Variants in ETDB observed in about 807,000 individuals in gnomAD.
ETDB encodes embryonic testis differentiation homolog B.
chrX:135,120,274 C>T (rs1467602126), intron 1 of ETDB, among the ~76,000 whole-genome samples, 166 bp downstream of exon 1: 3 of 108,782 alleles, frequency 2.8e-5, no homozygotes, highest in South Asian at 8.2e-4. Context: ...GTATCTGAAG[C>T]TTCTGCTTTT....
At chrX:135,120,405 A>T (rs1397930816) in intron 1 of ETDB, 35 bp downstream of exon 1, 11 of 98,316 alleles carry the variant, frequency 1.1e-4, no homozygotes, top group African/African-American at 4.1e-4. Flanking sequence ...GCACAAAAGG[A>T]TGCTCTATGA....
chrX:135,120,167 G>A (rs1480151593), intron 1 of ETDB, among the ~76,000 whole-genome samples, 196 bp from the exon 2 acceptor site: 1 of 83,944 alleles, frequency 1.2e-5, no homozygotes, highest in Non-Finnish European at 2.3e-5. Context: ...CCAAGGCTAG[G>A]GGTGGATGCT....
At chrX:135,120,217 A>T (rs2083518288) in intron 1 of ETDB, among the ~76,000 whole-genome samples, 1 of 99,339 alleles carries the variant, frequency 1.0e-5, no homozygotes, top group Non-Finnish European at 2.0e-5. Flanking sequence ...AGAGACTAAA[A>T]GACTTGCCCA....
intron 1 of ETDB, 130 bp downstream of exon 1, chrX:135,120,310 A>G (rs2083518811): frequency 1.8e-5 from 2 of 110,548 alleles, no homozygotes; most frequent in South Asian, 7.9e-4. Flanking sequence ...GTGTCTCTGT[A>G]TCAGTTTGAA....
At chrX:135,120,408 C>T (rs1359943420) in intron 1 of ETDB, 32 bp downstream of exon 1, 3 of 97,586 alleles carry the variant, frequency 3.1e-5, no homozygotes, top group Non-Finnish European at 6.2e-5. Flanking sequence ...CAAAAGGATG[C>T]TCTATGATCT....
At chrX:135,120,347 C>G (rs1214615022) in intron 1 of ETDB, 93 bp downstream of exon 1, 7 of 109,309 alleles carry the variant, frequency 6.4e-5, no homozygotes, top group African/African-American at 2.3e-4. Context: ...AACCTCCCCC[C>G]ATTACCAAAC....
At chrX:135,120,266 A>G (rs1374965607) in intron 1 of ETDB, among the ~76,000 whole-genome samples, 174 bp downstream of exon 1, 1 of 107,912 alleles carries the variant, frequency 9.3e-6, no homozygotes, top group Non-Finnish European at 1.9e-5. Context: ...GAAAGCCTGT[A>G]TCTGAAGCTT....
Position 135,120,420 on chromosome X carries a change from G to C in ETDB, c.-288+20C>G, listed in dbSNP as rs1391056991. On this transcript the variant is annotated intron_variant, in intron 1 of 2. Transcript: ENST00000423661. ...GCACAAAAGGATGCTCTATGATCTT[G>C]GTATATCAGGATATTTTACCTGTGA... 1 of 91,774 alleles carries C rather than the reference G, an allele frequency of 1.1e-5. No individual in the cohort carries two copies. Among genetic ancestry groups the C allele is most frequent in the Admixed American group, 1.3e-4 (1 of 7,896 alleles). 7.6% of individuals were successfully genotyped at this position (91,774 alleles called of 1,213,427 possible). A position where few individuals can be genotyped will look rare whatever the true frequency, so the allele number is the denominator to read the frequency against.
At chrX:135,120,267 T>A (rs1303526317) in intron 1 of ETDB, among the ~76,000 whole-genome samples, 173 bp downstream of exon 1, 1 of 108,000 alleles carries the variant, frequency 9.3e-6, no homozygotes, top group East Asian at 3.0e-4. Context: ...AAAGCCTGTA[T>A]CTGAAGCTTC....
At chrX:135,120,331 T>G (rs1256659643) in intron 1 of ETDB, 109 bp downstream of exon 1, 2 of 110,241 alleles carry the variant, frequency 1.8e-5, no homozygotes, top group Non-Finnish European at 3.8e-5. Context: ...CAAATGACTC[T>G]CTGATAACCT....
intron 1 of ETDB, among the ~76,000 whole-genome samples, 153 bp downstream of exon 1, chrX:135,120,287 C>T (rs1158655743): frequency 3.7e-5 from 4 of 109,581 alleles, no homozygotes; most frequent in African/African-American, 1.0e-4. Flanking sequence ...CTGCTTTTAC[C>T]CACTGCTCTA....
intron 1 of ETDB, 94 bp downstream of exon 1, chrX:135,120,346 C>T (rs1258657927): frequency 3.7e-5 from 4 of 109,365 alleles, no homozygotes; most frequent in Non-Finnish European, 5.7e-5. Flanking sequence ...TAACCTCCCC[C>T]CATTACCAAA....
At chrX:135,120,049 C>A (rs1370233882) in intron 1 of ETDB, 78 bp from the exon 2 acceptor site, 1 of 81,673 alleles carries the variant, frequency 1.2e-5, no homozygotes, top group Non-Finnish European at 2.4e-5. Flanking sequence ...GATTTTCCAT[C>A]CTGGGAACGT....
chrX:135,119,026 T>G lies in ETDB; in HGVS notation c.*56A>C. On this transcript the variant is annotated 3_prime_UTR_variant, in exon 3 of 3. Coordinates refer to ENST00000423661, the MANE Select transcript of ETDB (RefSeq NM_001355519.1). The stretch of plus-strand genomic sequence containing the variant: ...AATTTCTCAAAAATATGGGCAGGCT[T>G]CAGCATGTAAGCCACATGACTTTTT... 1 of 250,505 alleles carries G rather than the reference T, an allele frequency of 4.0e-6. No homozygotes were observed. The highest frequency in any genetic ancestry group is 6.9e-6 in the Non-Finnish European group (1 of 145,030). 20.6% of individuals were successfully genotyped at this position (250,505 alleles called of 1,213,427 possible). A position where few individuals can be genotyped will look rare whatever the true frequency, so the allele number is the denominator to read the frequency against.
At chrX:135,120,414 G>A (rs1288566392) in intron 1 of ETDB, 26 bp downstream of exon 1, 1 of 95,537 alleles carries the variant, frequency 1.0e-5, no homozygotes, top group African/African-American at 3.8e-5. Flanking sequence ...GATGCTCTAT[G>A]ATCTTGGTAT....
intron 1 of ETDB, 24 bp downstream of exon 1, chrX:135,120,416 T>A (rs1457937995): frequency 1.1e-5 from 1 of 93,698 alleles, no homozygotes; most frequent in African/African-American, 3.9e-5. Context: ...TGCTCTATGA[T>A]CTTGGTATAT....
intron 1 of ETDB, 27 bp downstream of exon 1, chrX:135,120,413 T>C (rs1556403054): frequency 3.1e-5 from 3 of 96,097 alleles, no homozygotes; most frequent in African/African-American, 1.1e-4. Flanking sequence ...GGATGCTCTA[T>C]GATCTTGGTA....
intron 1 of ETDB, 138 bp downstream of exon 1, chrX:135,120,302 G>C (rs1184310520): frequency 1.1e-4 from 12 of 110,395 alleles, no homozygotes; most frequent in African/African-American, 3.3e-4. Flanking sequence ...GCTCTATAGT[G>C]TCTCTGTATC....
Position 135,119,828 on chromosome X carries a change from A to G in ETDB, c.-144T>C, listed in dbSNP as rs2083517007. 9.3e-6 allele frequency: 1 copy of G among 107,012 alleles called. No homozygotes were observed. Among genetic ancestry groups the G allele is most frequent in the Non-Finnish European group, 1.9e-5 (1 of 52,066 alleles). 8.8% of individuals were successfully genotyped at this position (107,012 alleles called of 1,213,427 possible). A position where few individuals can be genotyped will look rare whatever the true frequency, so the allele number is the denominator to read the frequency against. ...TCCATGACAAAGTTCAGTACTTTAC[A>G]TTTGCATTTCTTCATTCTACAACTT... On this transcript the variant is annotated 5_prime_UTR_variant, in exon 2 of 3. The change abolishes an upstream ATG in the 5' untranslated region. Transcript: ENST00000423661.
Sources: gnomAD v4.1 joint callset for allele counts (sites outside exome capture counted in the v4.1 genomes callset) on GRCh38, gnomAD v4.1.1 for gene constraint, MANE v1.5 for transcripts, NCBI Gene and HGNC (gene_info 2026-07-23, HGNC 2026-07-21) for gene names.